ZFPM2: variants seen among roughly 807,000 people sequenced by gnomAD.
The protein encoded by ZFPM2 is zinc finger protein ZFPM2.
Under a neutral mutation model 98.6 loss-of-function variants are expected in ZFPM2, and 20 were observed. The ratio of observed to expected loss-of-function variants is 0.20; its 90% CI spans 0.14 to 0.29. ZFPM2 has a LOEUF of 0.29. ZFPM2 is among the 10% of genes least tolerant of loss of function. The pLI, the probability that ZFPM2 is intolerant of heterozygous loss-of-function variation, is 1.00. For missense variants in ZFPM2, 1,310 were observed against 1,388.6 expected (o/e 0.94, Z 0.90); for synonymous variants, 518 against 502.7 (o/e 1.03, Z -0.41).
chr8:105,444,280 GTGA>G lies in ZFPM2; in HGVS notation c.207_209del (p.Asp69del). 1 of 1,608,750 alleles carries G rather than the reference GTGA, an allele frequency of 6.2e-7. No individual in the cohort carries two copies. The highest frequency in any genetic ancestry group is 8.5e-7 in the Non-Finnish European group (1 of 1,177,374). On this transcript the variant is annotated inframe_deletion and splice_region_variant, in exon 3 of 8. Coordinates refer to ENST00000407775, the MANE Select transcript of ZFPM2 (RefSeq NM_012082.4). ...CTCTCCTTGTGTTGGTGTTTTCCAGGTGATGATGAAGGAATCCAGGAGACAGCA... is the reference window on the plus strand; with the variant it reads ...CTCTCCTTGTGTTGGTGTTTTCCAGGTGATGAAGGAATCCAGGAGACAGCA...
chr8:105,418,644 A>G (rs1161216260), intron 1 of ZFPM2: 2 of 515,246 alleles, frequency 3.9e-6, no homozygotes, highest in African/African-American at 1.9e-5. Context: ...ATATAATGAA[A>G]TCTTTTCTCA....
chr8:105,494,485 T>C (rs556338266), intron 3 of ZFPM2, among the ~76,000 whole-genome samples: 2 of 152,108 alleles, frequency 1.3e-5, no homozygotes, highest in Admixed American at 1.3e-4. Flanking sequence ...CCTTTGAATT[T>C]ACCATATTGG....
intron 1 of ZFPM2, among the ~76,000 whole-genome samples, chr8:105,408,372 G>T (rs1445305169): frequency 2.0e-5 from 3 of 151,852 alleles, no homozygotes. Context: ...CTTTATGGTG[G>T]TTTAATGACA....
intron 4 of ZFPM2, among the ~76,000 whole-genome samples, chr8:105,614,113 C>A (rs1233930325): frequency 2.0e-5 from 3 of 152,076 alleles, no homozygotes; most frequent in Non-Finnish European, 4.4e-5. Context: ...GTTCTCTTAC[C>A]CATTTTATTT....
At chr8:105,548,813 C>T (rs1389351749) in intron 3 of ZFPM2, among the ~76,000 whole-genome samples, 3 of 152,044 alleles carry the variant, frequency 2.0e-5, no homozygotes, top group African/African-American at 7.2e-5. Context: ...TCGTAATTAT[C>T]TCACCATTAG....
At chr8:105,687,974 TTGGCTAAAAGGGGTAAG>T (rs1207745531) in intron 5 of ZFPM2, among the ~76,000 whole-genome samples, 1 of 152,040 alleles carries the variant, frequency 6.6e-6, no homozygotes, top group Non-Finnish European at 1.5e-5. Context: ...TGAATTAATG[TTGGCTAAAAGGGGTAAG>T]TGGCATCAAA....
At chr8:105,561,335 C>G in intron 3 of ZFPM2, 28 bp from the exon 4 acceptor site, 2 of 1,576,836 alleles carry the variant, frequency 1.3e-6, no homozygotes, top group Non-Finnish European at 1.7e-6. Context: ...AGTAAGTATT[C>G]TAAACACTTC....
intron 3 of ZFPM2, among the ~76,000 whole-genome samples, chr8:105,460,037 A>G (rs1339774952): frequency 6.6e-6 from 1 of 152,144 alleles, no homozygotes; most frequent in Non-Finnish European, 1.5e-5. Flanking sequence ...GGTACCAGAT[A>G]GCATTCCCTG....
chr8:105,388,815 A>C (rs1811050990), intron 1 of ZFPM2, among the ~76,000 whole-genome samples: 1 of 152,118 alleles, frequency 6.6e-6, no homozygotes, highest in Non-Finnish European at 1.5e-5. Flanking sequence ...GTCCTCTTCC[A>C]ACCTGTGTGC....
chr8:105,715,719 A>G (rs1213480484), intron 5 of ZFPM2, among the ~76,000 whole-genome samples: 1 of 151,948 alleles, frequency 6.6e-6, no homozygotes, highest in African/African-American at 2.4e-5. Flanking sequence ...AATCCAACCT[A>G]TATGTGACTG....
chr8:105,685,380 C>T (rs997850976), intron 5 of ZFPM2, among the ~76,000 whole-genome samples: 11 of 151,994 alleles, frequency 7.2e-5, no homozygotes, highest in African/African-American at 2.7e-4. Flanking sequence ...GAAAATAAAA[C>T]CAGCAAGGGG....
At chr8:105,657,841 C>T (rs1298951034) in intron 5 of ZFPM2, among the ~76,000 whole-genome samples, 2 of 152,136 alleles carry the variant, frequency 1.3e-5, no homozygotes, top group Admixed American at 6.5e-5. Context: ...TCATTTCCAC[C>T]CATGCATTTA....
At chr8:105,505,925 A>G (rs302962) in intron 3 of ZFPM2, among the ~76,000 whole-genome samples, 102,561 of 151,920 alleles carry the variant, frequency 0.68, 36,383 homozygotes, top group African/African-American at 0.89. Context: ...TATGGAGGAA[A>G]AATATATTGT....
At chr8:105,487,572 G>T (rs748762478) in intron 3 of ZFPM2, among the ~76,000 whole-genome samples, 2 of 152,094 alleles carry the variant, frequency 1.3e-5, no homozygotes, top group Non-Finnish European at 2.9e-5. Context: ...ACGTTGTTGT[G>T]CAAATGCAGC....
chr8:105,769,569 T>C (rs1322086731), intron 5 of ZFPM2, among the ~76,000 whole-genome samples: 1 of 152,060 alleles, frequency 6.6e-6, no homozygotes, highest in Non-Finnish European at 1.5e-5. Flanking sequence ...TTTCTCACTT[T>C]ACTATCATTT....
intron 5 of ZFPM2, among the ~76,000 whole-genome samples, chr8:105,660,940 A>G (rs1258730326): frequency 6.6e-6 from 1 of 152,194 alleles, no homozygotes; most frequent in Non-Finnish European, 1.5e-5. Flanking sequence ...TTAACTATAT[A>G]TACCCTAGTG....
intron 1 of ZFPM2, among the ~76,000 whole-genome samples, chr8:105,394,547 T>A (rs1481005836): frequency 6.6e-6 from 1 of 152,190 alleles, no homozygotes; most frequent in Admixed American, 6.5e-5. Flanking sequence ...CTGGGAGAGC[T>A]GAGTAGGTAT....
chr8:105,534,968 T>A (rs1294723797), intron 3 of ZFPM2, among the ~76,000 whole-genome samples: 1 of 152,130 alleles, frequency 6.6e-6, no homozygotes, highest in Non-Finnish European at 1.5e-5. Context: ...ACTACTTACA[T>A]TGAGACCATA....
intron 3 of ZFPM2, among the ~76,000 whole-genome samples, chr8:105,548,763 A>C (rs1408377503): frequency 2.0e-5 from 3 of 151,932 alleles, no homozygotes; most frequent in Non-Finnish European, 4.4e-5. Flanking sequence ...TACTGGTAAA[A>C]TTTTATCTTA....
Sources: gnomAD v4.1 joint callset for allele counts (sites outside exome capture counted in the v4.1 genomes callset) on GRCh38, gnomAD v4.1.1 for gene constraint, MANE v1.5 for transcripts, NCBI Gene and HGNC (gene_info 2026-07-23, HGNC 2026-07-21) for gene names.